CCDC88B: variants seen among roughly 807,000 people sequenced by gnomAD.
The protein encoded by CCDC88B is coiled-coil and HOOK domain protein 88B.
CCDC88B carries 138 observed loss-of-function variants against 183.7 expected under a neutral mutation model. That is an observed-to-expected ratio of 0.75 (90% CI 0.65 to 0.87). The LOEUF is 0.87. CCDC88B is among the 40% of genes least tolerant of loss of function. CCDC88B has a pLI of 0.00. For missense variants in CCDC88B, 1,822 were observed against 1,965.6 expected (o/e 0.93, Z 1.38); for synonymous variants, 835 against 867.5 (o/e 0.96, Z 0.66).
In CCDC88B at chr11:64,349,799, G is replaced by C. The variant is rs906023908; in HGVS notation, c.2862+131G>C. On this transcript the variant is annotated intron_variant, in intron 16 of 26. Transcript: ENST00000356786. Reference sequence around the variant, plus strand: ...GCTAGCTACTTGCCTCACTCCCCATGTGGGGCCTGTTGGAGAGAGCACTGT... The same window carrying C: ...GCTAGCTACTTGCCTCACTCCCCATCTGGGGCCTGTTGGAGAGAGCACTGT... The C allele has an allele frequency of 3.5e-6, 3 of 866,020 alleles. No individual in the cohort carries two copies. The African/African-American group carries it at 5.0e-5, about 14-fold the overall frequency. The allele number at this position is 866,020 out of a possible 1,614,324, so 53.6% of individuals were successfully genotyped here.
rs570244025 is a variant in CCDC88B, at chr11:64,349,111, A to T, written c.2617-220A>T. The T allele has an allele frequency of 9.7e-5, 70 of 720,766 alleles. 2 individuals carry two copies. The South Asian group carries it at 9.8e-4, about 10-fold the overall frequency. The allele number at this position is 720,766 out of a possible 1,614,324, so 44.6% of individuals were successfully genotyped here. On this transcript the variant is annotated intron_variant, in intron 14 of 26. Transcript: ENST00000356786. ...GACTCCCAGCCCAGGGGCCTTCCTC[A>T]TGCCCTGCCAGGCTTACAACACCCA... is the stretch of plus-strand genomic sequence containing the variant.
chr11:64,341,377 A>AGGAGGGAGATCCTGCACCAGC (rs1159608075), intron 5 of CCDC88B, 44 bp from the exon 6 acceptor site: 1 of 1,613,932 alleles, frequency 6.2e-7, no homozygotes, highest in African/African-American at 1.3e-5. Context: ...TTGGCGGTAG[A>AGGAGGGAGATCCTGCACCAGC]GGAGGGAGAT....
In CCDC88B at chr11:64,353,786, T is replaced by G; in HGVS notation, c.3905T>G (p.Leu1302Arg). The G allele has an allele frequency of 6.2e-7, 1 of 1,614,080 alleles. No homozygotes were observed. Among genetic ancestry groups the G allele is most frequent in the Non-Finnish European group, 8.5e-7 (1 of 1,179,970 alleles). Residue 1302 changes from leucine to arginine, a missense_variant, in exon 23 of 27, where the codon CTG (leucine) becomes CGG (arginine). Transcript: ENST00000356786. Reference sequence around the variant, plus strand: ...AAGATCATGGACCAATACCGCGTGCTGGAGCCTGTGCCCCTGCCCCGGACC... The same window carrying G: ...AAGATCATGGACCAATACCGCGTGCGGGAGCCTGTGCCCCTGCCCCGGACC... ...VEKIMDQYRV[L>R]EPVPLPRTKK...
chr11:64,342,454 G>A, intron 9 of CCDC88B, 68 bp from the exon 10 acceptor site: 1 of 1,541,374 alleles, frequency 6.5e-7, no homozygotes. Context: ...TCCCAACCCG[G>A]CTCCTTCCCG....
Position 64,352,852 on chromosome 11 carries a change from G to A in CCDC88B, c.3465G>A (p.Glu1155=), listed in dbSNP as rs1330106964. 8 of 1,609,676 alleles carry A rather than the reference G, an allele frequency of 5.0e-6. No individual in the cohort carries two copies. The highest frequency in any genetic ancestry group is 6.8e-6 in the Non-Finnish European group (8 of 1,178,754). The change falls in exon 20 of 27, where the codon GAG becomes GAA. Residue 1155 remains glutamate (E), a synonymous_variant. Coordinates refer to ENST00000356786, the MANE Select transcript of CCDC88B (RefSeq NM_032251.6). ...ATGGGCATCGGCAGCGGGGCCTGGA[G>A]GAGGAGCTGCGGAGGCTTCAGAGCG... ...MQDGHRQRGL[E]EELRRLQSEH...
At chr11:64,352,938 A>G in intron 20 of CCDC88B, 51 bp downstream of exon 20, 2 of 1,519,838 alleles carry the variant, frequency 1.3e-6, no homozygotes, top group Non-Finnish European at 1.8e-6. Flanking sequence ...CCATCCTGAA[A>G]GTGGGTTGGG....
intron 22 of CCDC88B, 103 bp from the exon 23 acceptor site, chr11:64,353,612 A>T (rs911007732): frequency 6.3e-7 from 1 of 1,578,934 alleles, no homozygotes; most frequent in South Asian, 1.1e-5. Context: ...GGTCAGTCCA[A>T]TCTGCGGCAC....
At position 64,344,820 on chromosome 11, in the gene CCDC88B, C is replaced by T. The variant is rs373396465; in HGVS notation, c.2279C>T (p.Thr760Met). 1.5e-5 allele frequency: 24 copies of T among 1,605,358 alleles called. No homozygotes were observed. The highest frequency in any genetic ancestry group is 6.7e-5 in the African/African-American group (5 of 74,798). Residue 760 changes from threonine (T) to methionine (M), a missense_variant, in exon 14 of 27, where the codon ACG becomes ATG. Physicochemically the swap from Thr to Met is moderately conservative, Grantham distance 81. Transcript: ENST00000356786. The surrounding 1 kb of genome is among the most constrained non-coding windows in gnomAD (Gnocchi z 4.5). ...AQARKLEAQN[T>M]EAARLSKELA... ...GCCCGCAAGCTGGAGGCCCAAAACA[C>T]GGAGGCTGCCCGCCTCTCCAAGGAG...
In CCDC88B at chr11:64,341,668, G is replaced by A. The variant is rs1237381854; in HGVS notation, c.601G>A (p.Glu201Lys). 1.9e-6 allele frequency: 3 copies of A among 1,608,200 alleles called. No individual in the cohort carries two copies. Among genetic ancestry groups the A allele is most frequent in the Admixed American group, 1.7e-5 (1 of 59,108 alleles). The change falls in exon 7 of 27, where the codon GAG becomes AAG. Residue 201 changes from glutamate (E) to lysine (K), a missense_variant. Physicochemically the swap from Glu to Lys is moderately conservative, Grantham distance 56. Transcript: ENST00000356786. ...GPDPGELAPA[E>K]LEMLSRSLMG... ...AGATCCTGGGGAGCTGGCACCTGCC[G>A]AGCTGGAGATGCTGTCCCGGAGCCT...
chr11:64,355,207 G>C lies in CCDC88B; in HGVS notation c.4113G>C (p.Pro1371=). The change falls in exon 25 of 27, where the codon CCG becomes CCC. Residue 1371 remains proline (P), a synonymous_variant. Coordinates refer to ENST00000356786, the MANE Select transcript of CCDC88B (RefSeq NM_032251.6). The part of the protein sequence containing the change: ...READGTGSPS[P]APMRRAQSSL... Reference sequence around the variant, plus strand: ...TACCTCTTGCAGGGTCCCCTTCCCCGGCACCCATGCGCCGGGCCCAGAGCT... The same window carrying C: ...TACCTCTTGCAGGGTCCCCTTCCCCCGCACCCATGCGCCGGGCCCAGAGCT... 21 of 1,484,108 alleles carry C rather than the reference G, an allele frequency of 1.4e-5. No homozygotes were observed. Among genetic ancestry groups the C allele is most frequent in the Non-Finnish European group, 1.7e-5 (19 of 1,118,906 alleles). 91.9% of individuals were successfully genotyped at this position (1,484,108 alleles called of 1,614,324 possible).
chr11:64,341,952 C>A (rs776583606), intron 7 of CCDC88B, 42 bp from the exon 8 acceptor site: 16 of 1,610,894 alleles, frequency 9.9e-6, no homozygotes, highest in Non-Finnish European at 1.3e-5. Context: ...TGTGCAGAGG[C>A]ATTGGATAAG....
Position 64,345,128 on chromosome 11 carries a change from G to C in CCDC88B, c.2587G>C (p.Glu863Gln). 6.5e-7 allele frequency: 1 copy of C among 1,547,514 alleles called. No individual in the cohort carries two copies. Among genetic ancestry groups the C allele is most frequent in the South Asian group, 1.2e-5 (1 of 84,696 alleles). Residue 863 changes from glutamate to glutamine, a missense_variant, in exon 14 of 27, where the codon GAG becomes CAG. Glu to Gln is a conservative substitution (Grantham distance 29). Transcript: ENST00000356786. Reference sequence around the variant, plus strand: ...CCAGCACTTGGAGGAGGCTGAGAGGGAGCGCCGGGAGAAGGAGGCCCTCCA... The same window carrying C: ...CCAGCACTTGGAGGAGGCTGAGAGGCAGCGCCGGGAGAAGGAGGCCCTCCA... ...GRQHLEEAERERREKEALQAE... is the reference protein window; with the variant it reads ...GRQHLEEAERQRREKEALQAE...
At chr11:64,348,265 G>T (rs567728360) in intron 14 of CCDC88B, among the ~76,000 whole-genome samples, 1 of 151,262 alleles carries the variant, frequency 6.6e-6, no homozygotes, top group East Asian at 2.0e-4. Context: ...GGACAAAGGG[G>T]GAATTTTGTG....
In CCDC88B at chr11:64,352,842, G is replaced by A. The variant is rs527443181; in HGVS notation, c.3455G>A (p.Arg1152Gln). The part of the protein sequence containing the change: ...ERLMQDGHRQ[R>Q]GLEEELRRLQ... ...CTGATGCAAGATGGGCATCGGCAGC[G>A]GGGCCTGGAGGAGGAGCTGCGGAGG... Residue 1152 changes from arginine to glutamine, a missense_variant, in exon 20 of 27, where the codon CGG becomes CAG. Coordinates refer to ENST00000356786, the MANE Select transcript of CCDC88B (RefSeq NM_032251.6). 38 of 1,610,924 alleles carry A rather than the reference G, an allele frequency of 2.4e-5. No homozygotes were observed. The highest frequency in any genetic ancestry group is 5.3e-5 in the African/African-American group (4 of 75,032).
chr11:64,347,264 G>A (rs149518594), intron 14 of CCDC88B, among the ~76,000 whole-genome samples: 1,558 of 152,320 alleles, frequency 0.01, 19 homozygotes, highest in African/African-American at 0.035. Context: ...TTGCCATGGG[G>A]GATTGGGCAG....
At chr11:64,341,084 A>T (rs748696780) in intron 3 of CCDC88B, 25 bp from the exon 4 acceptor site, 5 of 1,614,054 alleles carry the variant, frequency 3.1e-6, no homozygotes, top group Non-Finnish European at 4.2e-6. Context: ...AAGGCGCCTC[A>T]TATAGTCTGC....
At chr11:64,346,200 A>G (rs1824251240) in intron 14 of CCDC88B, among the ~76,000 whole-genome samples, 1 of 152,186 alleles carries the variant, frequency 6.6e-6, no homozygotes, top group African/African-American at 2.4e-5. Flanking sequence ...ATCAGGACGC[A>G]GTAGCCATGG....
At chr11:64,341,786 AG>A in intron 7 of CCDC88B, 44 bp downstream of exon 7, 1 of 1,538,568 alleles carries the variant, frequency 6.5e-7, no homozygotes, top group Non-Finnish European at 8.7e-7. Context: ...GGGGAACTGG[AG>A]GACCATCAGG....
At chr11:64,343,461 C>G in intron 11 of CCDC88B, 46 bp from the exon 12 acceptor site, 1 of 1,545,882 alleles carries the variant, frequency 6.5e-7, no homozygotes, top group Non-Finnish European at 8.7e-7. Context: ...CACACTCGGC[C>G]TGGCCATGGT....
Sources: gnomAD v4.1 joint callset for allele counts (sites outside exome capture counted in the v4.1 genomes callset) on GRCh38, gnomAD v4.1.1 for gene constraint, Gnocchi (gnomAD v3.1) non-coding constraint, MANE v1.5 for transcripts, NCBI Gene and HGNC (gene_info 2026-07-23, HGNC 2026-07-21) for gene names.